Variants in MUC5B observed in about 807,000 individuals in gnomAD.
MUC5B encodes the protein mucin-5B.
In MUC5B, 116 loss-of-function variants were observed where a neutral mutation model predicts 376.9. The observed-to-expected ratio is 0.31, with a 90% CI of 0.26 to 0.36. MUC5B has a LOEUF of 0.36. MUC5B is among the 10% of genes least tolerant of loss of function. MUC5B has a pLI of 1.00. For synonymous variants in MUC5B, 3,517 were observed against 3,390.9 expected, an observed-to-expected ratio of 1.04 and a Z score of -1.29; for missense variants, 7,165 against 7,769.9, an observed-to-expected ratio of 0.92 and a Z score of 2.93.
Position 1,244,078 on chromosome 11 carries a change from T to A in MUC5B, c.7198T>A (p.Phe2400Ile). The change falls in exon 31 of 49, where the codon TTC becomes ATC. Residue 2400 changes from phenylalanine to isoleucine, a missense_variant. Coordinates refer to ENST00000529681, the MANE Select transcript of MUC5B (RefSeq NM_002458.3). ...REQVGKFKMCFNYEIRVFCCN... is the reference protein window; with the variant it reads ...REQVGKFKMCINYEIRVFCCN... ...GCAGGTGGGGAAGTTCAAGATGTGC[T>A]TCAACTATGAAATCCGTGTGTTCTG... 2 of 1,492,976 alleles carry A rather than the reference T, an allele frequency of 1.3e-6. No homozygotes were observed. Among genetic ancestry groups the A allele is most frequent in the Non-Finnish European group, 1.9e-6 (2 of 1,073,376 alleles). The allele number at this position is 1,492,976 out of a possible 1,614,324, so 92.5% of individuals were successfully genotyped here. A position where few individuals can be genotyped will look rare whatever the true frequency, so the allele number is the denominator to read the frequency against.
Position 1,243,379 on chromosome 11 carries a change from A to ACC in MUC5B, c.6500_6501dup (p.Thr2168ProfsTer10). 1 of 1,534,140 alleles carries ACC rather than the reference A, an allele frequency of 6.5e-7. No individual in the cohort carries two copies. The highest frequency in any genetic ancestry group is 1.2e-5 in the South Asian group (1 of 85,934). Reference sequence around the variant, plus strand: ...CCCCCCAGTGCTGACCACCACCGCCACCACACCTGCAGCCACCAGCAACAC... The same window carrying ACC: ...CCCCCCAGTGCTGACCACCACCGCCACCCCACACCTGCAGCCACCAGCAACAC... On this transcript the variant is annotated frameshift_variant, in exon 31 of 49. Coordinates refer to ENST00000529681, the MANE Select transcript of MUC5B (RefSeq NM_002458.3). LOFTEE classifies it high-confidence loss of function.
rs777949790 is a variant in MUC5B, at chr11:1,243,387, T to C, written c.6507T>C (p.Pro2169=). The C allele has an allele frequency of 1.3e-6, 2 of 1,528,188 alleles. No individual in the cohort carries two copies. Among genetic ancestry groups the C allele is most frequent in the Middle Eastern group, 1.8e-4 (1 of 5,640 alleles). The allele number at this position is 1,528,188 out of a possible 1,614,324, so 94.7% of individuals were successfully genotyped here. Residue 2169 remains proline, a synonymous_variant, in exon 31 of 49, where the codon CCT becomes CCC. Transcript: ENST00000529681. ...PPVLTTTATT[P]AATSNTVTPS... is the part of the protein sequence containing the mutation. ...TGCTGACCACCACCGCCACCACACC[T>C]GCAGCCACCAGCAACACAGTGACTC...
intron 27 of MUC5B, 59 bp downstream of exon 27, chr11:1,239,625 G>T (rs2735731): frequency 6.6e-7 from 1 of 1,524,528 alleles, no homozygotes; most frequent in East Asian, 2.3e-5. Flanking sequence ...AGTGTACGTG[G>T]GGGGGCGGGG....
In MUC5B at chr11:1,250,012, T is replaced by C. The variant is rs1327541271; in HGVS notation, c.13132T>C (p.Ser4378Pro). The change falls in exon 31 of 49, where the codon TCC becomes CCC. Residue 4378 changes from serine to proline, a missense_variant. By Grantham distance (74) the Ser-to-Pro change is moderately conservative. Around this residue, in one of 31 missense-constraint regions of MUC5B, gnomAD observed 431 missense variants for 390.4 expected, o/e 1.10. Transcript: ENST00000529681. ...GGCCACCACGACAAGGGCCACCAGT[T>C]CCACGTCCACCCCCTCCTCCACTCC... ...TKATTTRATS[S>P]TSTPSSTPGT... is the part of the protein sequence containing the mutation. 5 of 1,610,914 alleles carry C rather than the reference T, an allele frequency of 3.1e-6. No homozygotes were observed. The South Asian group carries it at 3.3e-5, about 11-fold the overall frequency.
chr11:1,231,568 TG>T lies in MUC5B; in HGVS notation c.1678+11del. Reference sequence around the variant, plus strand: ...ACCAGGGCCAGATGTGCGGTGAGGCTGGGCAGGGGCCTTCGGGGACAGGGCC... The same window carrying T: ...ACCAGGGCCAGATGTGCGGTGAGGCTGGCAGGGGCCTTCGGGGACAGGGCC... On this transcript the variant is annotated intron_variant, in intron 14 of 48. Transcript: ENST00000529681. 6.4e-7 allele frequency: 1 copy of T among 1,564,028 alleles called. No homozygotes were observed.
chr11:1,259,494 G>T, intron 44 of MUC5B: 1 of 570,056 alleles, frequency 1.8e-6, no homozygotes. Flanking sequence ...GGGTCTGGGG[G>T]TGGGACAGGA....
At chr11:1,233,935 C>G in intron 19 of MUC5B, 87 bp downstream of exon 19, 1 of 1,359,556 alleles carries the variant, frequency 7.4e-7, no homozygotes, top group South Asian at 1.3e-5. Flanking sequence ...CCCTGCCCCA[C>G]CCCACCTGAA....
chr11:1,228,308 G>A (rs1002261636), intron 7 of MUC5B, among the ~76,000 whole-genome samples: 1 of 152,140 alleles, frequency 6.6e-6, no homozygotes, highest in African/African-American at 2.4e-5. Context: ...CTCCTGGGGT[G>A]GGGGTCTGCA....
Position 1,239,032 on chromosome 11 carries a change from G to A in MUC5B, c.3454+5G>A. ...GGCGGACTCCGGACACCTGCCGTGA[G>A]TCGGGCTCTGTCCGTGGTGCTGAAG... On this transcript the variant is annotated splice_donor_5th_base_variant and intron_variant, in intron 26 of 48. Coordinates refer to ENST00000529681, the MANE Select transcript of MUC5B (RefSeq NM_002458.3). The A allele has an allele frequency of 6.4e-7, 1 of 1,571,272 alleles. No individual in the cohort carries two copies. The highest frequency in any genetic ancestry group is 8.6e-7 in the Non-Finnish European group (1 of 1,159,186).
intron 1 of MUC5B, among the ~76,000 whole-genome samples, chr11:1,224,208 C>T (rs1248542648): frequency 6.6e-6 from 1 of 152,232 alleles, no homozygotes; most frequent in Non-Finnish European, 1.5e-5. Context: ...TCCTCCTGTC[C>T]TCCACGCACG....
At position 1,251,328 on chromosome 11, in the gene MUC5B, C is replaced by T; in HGVS notation, c.14448C>T (p.Thr4816=). ...CACCCTCCTCCACTCTGGGGACGAC[C>T]CGGATCCTCACTGAGCTGACCACAA... ...TATPSSTLGT[T]RILTELTTTA... The change falls in exon 31 of 49, where the codon ACC becomes ACT. Residue 4816 remains threonine (T), a synonymous_variant. Coordinates refer to ENST00000529681, the MANE Select transcript of MUC5B (RefSeq NM_002458.3). The T allele has an allele frequency of 1.2e-6, 2 of 1,610,340 alleles. No individual in the cohort carries two copies. Among genetic ancestry groups the T allele is most frequent in the Non-Finnish European group, 1.7e-6 (2 of 1,177,738 alleles).
chr11:1,239,644 G>A lies in MUC5B; in HGVS notation c.3583+78G>A, dbSNP rs368228155. On this transcript the variant is annotated intron_variant, in intron 27 of 48. Coordinates refer to ENST00000529681, the MANE Select transcript of MUC5B (RefSeq NM_002458.3). Reference sequence around the variant, plus strand: ...TACGTGGGGGGGCGGGGATCCCCAGGGACGCGGTGTAGGCTCCCGTAAACT... The same window carrying A: ...TACGTGGGGGGGCGGGGATCCCCAGAGACGCGGTGTAGGCTCCCGTAAACT... The A allele has an allele frequency of 4.0e-5, 60 of 1,511,808 alleles. No individual in the cohort carries two copies. The East Asian group carries it at 5.7e-4, about 14-fold the overall frequency. The allele number at this position is 1,511,808 out of a possible 1,614,324, so 93.6% of individuals were successfully genotyped here.
Position 1,231,515 on chromosome 11 carries a change from C to T in MUC5B, c.1633C>T (p.Gln545Ter). ...GCTGGTGCAGCTGGTGCCACTCATGCAGGTGTTTGTCAGGCTGGACCCCGC... is the reference window on the plus strand; with the variant it reads ...GCTGGTGCAGCTGGTGCCACTCATGTAGGTGTTTGTCAGGCTGGACCCCGC... ...QLLVQLVPLM[Q>*]VFVRLDPAHQ... The change falls in exon 14 of 49, where the codon CAG becomes TAG. Residue 545 changes from glutamine (Q) to a stop codon, truncating the protein, a stop_gained. Coordinates refer to ENST00000529681, the MANE Select transcript of MUC5B (RefSeq NM_002458.3). LOFTEE classifies it high-confidence loss of function. 6.2e-7 allele frequency: 1 copy of T among 1,602,614 alleles called. No homozygotes were observed.
chr11:1,256,652 C>G lies in MUC5B; in HGVS notation c.16137-19C>G. The G allele has an allele frequency of 6.5e-7, 1 of 1,546,852 alleles. No individual in the cohort carries two copies. The highest frequency in any genetic ancestry group is 1.2e-5 in the South Asian group (1 of 83,050). ...CTCCTGGATCTCTAGGTCTCAGGGC[C>G]TCTCTTGTCATCCTGCAGGAACCAG... On this transcript the variant is annotated intron_variant, in intron 38 of 48. Transcript: ENST00000529681.
rs1458008485 is a variant in MUC5B, at chr11:1,239,670, G to A, written c.3583+104G>A. 5 of 1,495,888 alleles carry A rather than the reference G, an allele frequency of 3.3e-6. No individual in the cohort carries two copies. The East Asian group carries it at 7.0e-5, about 21-fold the overall frequency. 92.7% of individuals were successfully genotyped at this position (1,495,888 alleles called of 1,614,324 possible). A position where few individuals can be genotyped will look rare whatever the true frequency, so the allele number is the denominator to read the frequency against. ...GACGCGGTGTAGGCTCCCGTAAACT[G>A]CACAATGCAAGCCTTGAGGGCAGGC... On this transcript the variant is annotated intron_variant, in intron 27 of 48. Coordinates refer to ENST00000529681, the MANE Select transcript of MUC5B (RefSeq NM_002458.3).
intron 1 of MUC5B, among the ~76,000 whole-genome samples, chr11:1,224,552 A>AG (rs1861836334): frequency 1.0e-4 from 1 of 9,666 alleles, no homozygotes; most frequent in Non-Finnish European, 2.0e-4. Context: ...CTGTAGGGCC[A>AG]GGGAGGGGCT....
chr11:1,236,578 G>A lies in MUC5B; in HGVS notation c.3057+16G>A. ...GGACTACAAGGTGAGCTCGGGCCGT[G>A]CACTCCTAGGCCCTGCAGGACCCTC... is the stretch of plus-strand genomic sequence containing the variant. On this transcript the variant is annotated intron_variant, in intron 24 of 48. Transcript: ENST00000529681. The A allele has an allele frequency of 6.2e-7, 1 of 1,608,322 alleles. No individual in the cohort carries two copies. Among genetic ancestry groups the A allele is most frequent in the South Asian group, 1.1e-5 (1 of 90,918 alleles).
At position 1,229,989 on chromosome 11, in the gene MUC5B, C is replaced by T. The variant is rs368861545; in HGVS notation, c.1221-16C>T. ...CCTCCCGACATGCCGGTTCTGCTCACGGCCTCCCTCCCCAGCACCTGCTCC... is the reference window on the plus strand; with the variant it reads ...CCTCCCGACATGCCGGTTCTGCTCATGGCCTCCCTCCCCAGCACCTGCTCC... On this transcript the variant is annotated splice_polypyrimidine_tract_variant and intron_variant, in intron 10 of 48. Coordinates refer to ENST00000529681, the MANE Select transcript of MUC5B (RefSeq NM_002458.3). 8.4e-5 allele frequency: 133 copies of T among 1,579,392 alleles called. No individual in the cohort carries two copies. Among genetic ancestry groups the T allele is most frequent in the Admixed American group, 2.3e-4 (13 of 57,638 alleles).
At position 1,231,461 on chromosome 11, in the gene MUC5B, G is replaced by A. The variant is rs754250371; in HGVS notation, c.1579G>A (p.Val527Met). The A allele has an allele frequency of 7.4e-6, 12 of 1,611,856 alleles. No individual in the cohort carries two copies. The highest frequency in any genetic ancestry group is 1.6e-4 in the Middle Eastern group (1 of 6,082). The part of the protein sequence containing the change: ...TLFTPSSFFI[V>M]VQTGLGLQLL... Reference sequence around the variant, plus strand: ...GTTCACACCCTCGAGCTTCTTCATCGTGGTGCAGACAGGCCTGGGGCTGCA... The same window carrying A: ...GTTCACACCCTCGAGCTTCTTCATCATGGTGCAGACAGGCCTGGGGCTGCA... Residue 527 changes from valine (V) to methionine (M), a missense_variant, in exon 14 of 49, where the codon GTG becomes ATG. Val to Met is a conservative substitution (Grantham distance 21). This residue lies in a region of MUC5B where 640 missense variants were observed against 733.0 expected (regional missense o/e 0.87). Transcript: ENST00000529681.
Sources: allele counts gnomAD v4.1 joint callset (sites outside exome capture counted in the v4.1 genomes callset), GRCh38; gene constraint gnomAD v4.1.1; regional missense constraint gnomAD v4.1.1; transcripts MANE v1.5; gene names NCBI Gene and HGNC (gene_info 2026-07-23, HGNC 2026-07-21).